The following TENT2 variants were observed in gnomAD, a reference collection of about 807,000 sequenced individuals.
The protein encoded by TENT2 is poly(A) RNA polymerase GLD2.
TENT2 carries 44 observed loss-of-function variants against 72.2 expected under a neutral mutation model. The observed-to-expected ratio is 0.61, with a 90% CI of 0.48 to 0.78. TENT2 has a LOEUF of 0.78. TENT2 is among the 30% of genes least tolerant of loss of function. TENT2 has a pLI of 0.00. For missense variants in TENT2, 541 were observed against 569.6 expected (o/e 0.95, Z 0.51); for synonymous variants, 212 against 192.5 (o/e 1.10, Z -0.84).
At chr5:79,638,390 C>T (rs1315731469) in intron 4 of TENT2, among the ~76,000 whole-genome samples, 1 of 152,238 alleles carries the variant, frequency 6.6e-6, no homozygotes, top group Middle Eastern at 3.4e-3. Context: ...TTACACCTTT[C>T]CTTTTCTCCT....
At chr5:79,615,776 C>G (rs1010981170) in intron 1 of TENT2, among the ~76,000 whole-genome samples, 2 of 151,498 alleles carry the variant, frequency 1.3e-5, no homozygotes, top group Admixed American at 6.6e-5. Flanking sequence ...GTGGCACAGT[C>G]TCCTCGGCTC....
At position 79,620,047 on chromosome 5, in the gene TENT2, T is replaced by C; in HGVS notation, c.191T>C (p.Ile64Thr). The change falls in exon 3 of 15, where the codon ATA (isoleucine) becomes ACA (threonine). Residue 64 changes from isoleucine (I) to threonine (T), a missense_variant. Transcript: ENST00000453514. ...QQLTYGNVSP[I>T]QTSASPLFRG... ...CTGACATATGGAAATGTCAGTCCAA[T>C]ACAGACCTCAGCTTCCCCATTATTT... 1 of 1,611,922 alleles carries C rather than the reference T, an allele frequency of 6.2e-7. No individual in the cohort carries two copies. Among genetic ancestry groups the C allele is most frequent in the Non-Finnish European group, 8.5e-7 (1 of 1,178,570 alleles).
intron 3 of TENT2, 141 bp from the exon 4 acceptor site, chr5:79,623,111 C>G (rs2150001509): frequency 1.9e-6 from 1 of 534,626 alleles, no homozygotes; most frequent in East Asian, 3.1e-5. Context: ...TTTTTAAGAT[C>G]CATATAAAGC....
chr5:79,661,269 T>C (rs1405608288), intron 11 of TENT2, among the ~76,000 whole-genome samples: 1 of 152,224 alleles, frequency 6.6e-6, no homozygotes, highest in African/African-American at 2.4e-5. Context: ...CACTCACTAC[T>C]CACTCATTGA....
At chr5:79,616,189 ATTTTTTTTT>A (rs1229523040) in intron 1 of TENT2, among the ~76,000 whole-genome samples, 47 of 88,124 alleles carry the variant, frequency 5.3e-4, no homozygotes, top group South Asian at 3.6e-3. Flanking sequence ...ACCCGGCCTA[ATTTTTTTTT>A]TTTTTTTTTT....
chr5:79,616,764 G>T (rs946726528), intron 1 of TENT2, among the ~76,000 whole-genome samples: 12 of 152,276 alleles, frequency 7.9e-5, no homozygotes, highest in South Asian at 6.2e-4. Context: ...AGACATAAGG[G>T]TCTGCTAAAG....
At position 79,649,156 on chromosome 5, in the gene TENT2, T is replaced by A; in HGVS notation, c.993T>A (p.Tyr331Ter). The change falls in exon 10 of 15, where the codon TAT becomes TAA. Residue 331 changes from tyrosine (Y) to a stop codon, truncating the protein, a stop_gained. Coordinates refer to ENST00000453514, the MANE Select transcript of TENT2 (RefSeq NM_001114394.3). LOFTEE classifies it high-confidence loss of function. ...NDASRGTLSS[Y>*]SLVLMVLHYL... ...CCAGTCGTGGTACTTTAAGCAGCTA[T>A]AGTCTTGTATTGATGGTTTTGCACT... 6.2e-7 allele frequency: 1 copy of A among 1,613,520 alleles called. No homozygotes were observed.
chr5:79,621,498 C>T lies in TENT2; in HGVS notation c.227+1415C>T, dbSNP rs532013448. Among the ~76,000 whole-genome samples the T allele has an allele frequency of 3.9e-5, 6 of 152,258 alleles. No homozygotes were observed. In the South Asian group the frequency reaches 1.2e-3, roughly 32 times the overall value. ...CTTAGGCCGGGCGCAGTGGCTCACA[C>T]CTGTAATCCCAGCACTTTGGGAGGC... On this transcript the variant is annotated intron_variant, in intron 3 of 14. Coordinates refer to ENST00000453514, the MANE Select transcript of TENT2 (RefSeq NM_001114394.3).
chr5:79,649,323 G>C, intron 10 of TENT2, 133 bp downstream of exon 10: 1 of 764,522 alleles, frequency 1.3e-6, no homozygotes, highest in Non-Finnish European at 1.9e-6. Flanking sequence ...CACATTTCCT[G>C]TTTTGTTGCT....
At chr5:79,634,511 G>A (rs1377829918) in intron 4 of TENT2, among the ~76,000 whole-genome samples, 1 of 151,716 alleles carries the variant, frequency 6.6e-6, no homozygotes, top group Non-Finnish European at 1.5e-5. Context: ...TGATTTTTTT[G>A]TATTTTTAGT....
intron 4 of TENT2, among the ~76,000 whole-genome samples, chr5:79,629,637 C>T (rs1362741106): frequency 1.3e-5 from 2 of 149,482 alleles, no homozygotes; most frequent in Non-Finnish European, 3.0e-5. Flanking sequence ...ACCATCCTGG[C>T]TAACATCGTG....
chr5:79,619,812 G>C (rs762901252), intron 2 of TENT2, 27 bp downstream of exon 2: 2 of 1,593,088 alleles, frequency 1.3e-6, no homozygotes, highest in Non-Finnish European at 1.7e-6. Flanking sequence ...TTTGGCCCAT[G>C]TTGTTGGTAA....
intron 4 of TENT2, among the ~76,000 whole-genome samples, chr5:79,637,457 C>G (rs1781017905): frequency 6.6e-6 from 1 of 152,066 alleles, no homozygotes; most frequent in African/African-American, 2.4e-5. Context: ...GACAAGGTCT[C>G]CCTCTGTTGC....
chr5:79,616,140 G>A lies in TENT2; in HGVS notation c.-38+3065G>A, dbSNP rs184241771. On this transcript the variant is annotated intron_variant, in intron 1 of 14. Coordinates refer to ENST00000453514, the MANE Select transcript of TENT2 (RefSeq NM_001114394.3). ...GACCTCAGGTGATCTGCCCACCTCG[G>A]CCTCCCAGAGTGTTGGGATTATAGG... Among the ~76,000 whole-genome samples the A allele has an allele frequency of 3.0e-3, 449 of 150,966 alleles. 1 individual carries two copies. The highest frequency in any genetic ancestry group is 0.01 in the African/African-American group (425 of 41,038).
chr5:79,682,130 G>A (rs1044036222), intron 14 of TENT2, 69 bp downstream of exon 14: 31 of 1,036,846 alleles, frequency 3.0e-5, no homozygotes, highest in Middle Eastern at 2.2e-4. Flanking sequence ...GAAAAAATAC[G>A]TGTGTAGTAG....
At chr5:79,684,295 T>TA (rs1824839542) in intron 14 of TENT2, among the ~76,000 whole-genome samples, 1 of 152,182 alleles carries the variant, frequency 6.6e-6, no homozygotes, top group Non-Finnish European at 1.5e-5. Context: ...ATACTATATA[T>TA]TTTTTTGAGA....
At chr5:79,660,889 A>T (rs1043285078) in intron 11 of TENT2, among the ~76,000 whole-genome samples, 2 of 152,156 alleles carry the variant, frequency 1.3e-5, no homozygotes, top group African/African-American at 4.8e-5. Flanking sequence ...TTCCAGTGGG[A>T]CATGATGTGG....
At chr5:79,671,521 C>T (rs1403205328) in intron 12 of TENT2, among the ~76,000 whole-genome samples, 1 of 151,864 alleles carries the variant, frequency 6.6e-6, no homozygotes, top group Non-Finnish European at 1.5e-5. Context: ...TCTCCTGCCT[C>T]AGCCTCCTGA....
chr5:79,634,193 C>T (rs1164262838), intron 4 of TENT2, among the ~76,000 whole-genome samples: 3 of 151,272 alleles, frequency 2.0e-5, no homozygotes, highest in Admixed American at 1.3e-4. Flanking sequence ...TCCCAGCCAG[C>T]ACTTCACGTG....
Sources: allele counts gnomAD v4.1 joint callset (sites outside exome capture counted in the v4.1 genomes callset), GRCh38; gene constraint gnomAD v4.1.1; transcripts MANE v1.5; gene names NCBI Gene and HGNC (gene_info 2026-07-23, HGNC 2026-07-21).